Variants in UFL1 observed in about 807,000 individuals in gnomAD.
UFL1 encodes the protein E3 UFM1-protein ligase 1.
UFL1 carries 78 observed loss-of-function variants against 99.3 expected under a neutral mutation model. That is an observed-to-expected ratio of 0.79 (90% CI 0.65 to 0.95). The LOEUF (loss-of-function observed/expected upper bound fraction) is 0.95, where lower values mean the gene tolerates loss of function less well. Ranked by LOEUF, UFL1 falls within the 40% of genes least tolerant of loss-of-function variation. UFL1 has a pLI of 0.00. For missense variants in UFL1, 936 were observed against 937.0 expected (o/e 1.00, Z 0.01); for synonymous variants, 335 against 322.2 (o/e 1.04, Z -0.42).
At chr6:96,540,496 A>T in intron 10 of UFL1, 39 bp from the exon 11 acceptor site, 1 of 1,576,560 alleles carries the variant, frequency 6.3e-7, no homozygotes, top group Non-Finnish European at 8.6e-7. Context: ...TGGAAATGCT[A>T]TGTGTTTTTC....
intron 12 of UFL1, among the ~76,000 whole-genome samples, chr6:96,545,133 A>G (rs1769982193): frequency 6.6e-6 from 1 of 151,068 alleles, no homozygotes; most frequent in Non-Finnish European, 1.5e-5. Context: ...AGATAATAGT[A>G]CTGTCTGTCT....
chr6:96,542,361 A>T (rs1769943201), intron 11 of UFL1, among the ~76,000 whole-genome samples: 1 of 151,284 alleles, frequency 6.6e-6, no homozygotes, highest in African/African-American at 2.4e-5. Flanking sequence ...TGACACAATG[A>T]TCCTTGCTCT....
chr6:96,542,774 G>A, intron 11 of UFL1, 120 bp from the exon 12 acceptor site: 1 of 1,016,690 alleles, frequency 9.8e-7, no homozygotes, highest in South Asian at 3.0e-5. Context: ...GAGTCTAAAA[G>A]TTTCTTTATT....
At chr6:96,540,389 T>G in intron 10 of UFL1, 146 bp from the exon 11 acceptor site, 1 of 1,028,404 alleles carries the variant, frequency 9.7e-7, no homozygotes, top group African/African-American at 1.7e-5. Context: ...GAGAAACATT[T>G]GCCTTAGAGT....
chr6:96,550,771 T>C (rs1214203741), intron 15 of UFL1, among the ~76,000 whole-genome samples: 1 of 151,974 alleles, frequency 6.6e-6, no homozygotes, highest in Non-Finnish European at 1.5e-5. Flanking sequence ...AATATCTTGT[T>C]CCATGCCCTT....
At chr6:96,522,867 G>T in intron 1 of UFL1, 1 of 248,958 alleles carries the variant, frequency 4.0e-6, no homozygotes, top group South Asian at 1.7e-4. Flanking sequence ...CTTCAGATTT[G>T]AAGATTGGAA....
intron 6 of UFL1, 52 bp from the exon 7 acceptor site, chr6:96,534,211 C>A: frequency 8.5e-7 from 1 of 1,181,364 alleles, no homozygotes; most frequent in South Asian, 2.0e-5. Context: ...GTTCATTAAT[C>A]TATAACACTA....
chr6:96,531,004 C>T (rs1346122982), intron 6 of UFL1, among the ~76,000 whole-genome samples: 2 of 152,224 alleles, frequency 1.3e-5, no homozygotes, highest in Admixed American at 1.3e-4. Context: ...TGAGCTGCTC[C>T]TCCTGTCAGA....
chr6:96,542,736 T>C (rs1582443365), intron 11 of UFL1, among the ~76,000 whole-genome samples, 158 bp from the exon 12 acceptor site: 1 of 151,256 alleles, frequency 6.6e-6, no homozygotes, highest in East Asian at 1.9e-4. Context: ...TTTACTAAAC[T>C]TTTAATAGGG....
intron 11 of UFL1, 69 bp downstream of exon 11, chr6:96,540,724 TTTA>T: frequency 6.5e-7 from 1 of 1,532,318 alleles, no homozygotes; most frequent in Non-Finnish European, 8.8e-7. Flanking sequence ...ATTTATCACA[TTTA>T]TTATGCCCTT....
At chr6:96,550,426 A>C (rs1770061825) in intron 15 of UFL1, among the ~76,000 whole-genome samples, 1 of 151,982 alleles carries the variant, frequency 6.6e-6, no homozygotes, top group Non-Finnish European at 1.5e-5. Context: ...AGATTTAGGA[A>C]AAATGAGGCA....
rs1227537844 is a variant in UFL1, at chr6:96,538,634, C to G, written c.982C>G (p.Leu328Val). The G allele has an allele frequency of 6.2e-7, 1 of 1,610,386 alleles. No homozygotes were observed. The highest frequency in any genetic ancestry group is 8.5e-7 in the Non-Finnish European group (1 of 1,177,796). The part of the protein sequence containing the change: ...SSGTWVDIAP[L>V]LPTSLSVEDA... ...TTTATTTTGTTTGTAATTCTAGCCT[C>G]TGCTACCCACTTCTTTATCAGTTGA... Residue 328 changes from leucine (L) to valine (V), a missense_variant, in exon 10 of 19, where the codon CTG becomes GTG. Leu to Val is a conservative substitution (Grantham distance 32, BLOSUM62 1). Coordinates refer to ENST00000369278, the MANE Select transcript of UFL1 (RefSeq NM_015323.5).
intron 11 of UFL1, among the ~76,000 whole-genome samples, chr6:96,540,884 A>G (rs1276538301): frequency 1.3e-5 from 2 of 151,388 alleles, no homozygotes; most frequent in Non-Finnish European, 3.0e-5. Flanking sequence ...TTTTATCATC[A>G]TGCTCATCTC....
intron 6 of UFL1, among the ~76,000 whole-genome samples, chr6:96,531,408 G>GA (rs1769781410): frequency 6.6e-6 from 1 of 152,250 alleles, no homozygotes; most frequent in African/African-American, 2.4e-5. Context: ...CACTGACTAA[G>GA]AAAAATCTAA....
intron 12 of UFL1, among the ~76,000 whole-genome samples, chr6:96,547,765 G>A (rs1014632262): frequency 2.0e-5 from 3 of 151,004 alleles, no homozygotes; most frequent in African/African-American, 4.9e-5. Context: ...TAAACAATGG[G>A]CACACATGGA....
rs542705555 is a variant in UFL1, at chr6:96,552,347, T to C, written c.1986-135T>C. The C allele has an allele frequency of 1.9e-3, 1,788 of 960,600 alleles. 2 individuals carry two copies. Among genetic ancestry groups the C allele is most frequent in the Non-Finnish European group, 2.4e-3 (1,649 of 676,828 alleles). 59.5% of individuals were successfully genotyped at this position (960,600 alleles called of 1,614,324 possible). A position where few individuals can be genotyped will look rare whatever the true frequency, so the allele number is the denominator to read the frequency against. On this transcript the variant is annotated intron_variant, in intron 17 of 18. Transcript: ENST00000369278. Reference sequence around the variant, plus strand: ...AGGTTTTATGTGTGTATATCCCATATTGAAAAGTTACCTTAAATTTTTATG... The same window carrying C: ...AGGTTTTATGTGTGTATATCCCATACTGAAAAGTTACCTTAAATTTTTATG...
intron 12 of UFL1, among the ~76,000 whole-genome samples, chr6:96,546,744 C>A (rs1268835435): frequency 2.6e-5 from 4 of 151,024 alleles, no homozygotes; most frequent in Admixed American, 6.6e-5. Flanking sequence ...TGGACAGGGT[C>A]GACAAAAATA....
chr6:96,549,321 C>A (rs979895804), intron 13 of UFL1, 91 bp from the exon 14 acceptor site: 14 of 1,022,470 alleles, frequency 1.4e-5, no homozygotes, highest in Non-Finnish European at 1.7e-5. Context: ...GATTTCTATT[C>A]TTAAGCCTTA....
intron 12 of UFL1, 93 bp from the exon 13 acceptor site, chr6:96,548,071 G>A (rs1168555052): frequency 2.4e-5 from 18 of 762,888 alleles, no homozygotes; most frequent in East Asian, 1.5e-4. Flanking sequence ...ATGAATTATT[G>A]TCTTACTAAA....
Sources: allele counts gnomAD v4.1 joint callset (sites outside exome capture counted in the v4.1 genomes callset), GRCh38; gene constraint gnomAD v4.1.1; transcripts MANE v1.5; gene names NCBI Gene and HGNC (gene_info 2026-07-23, HGNC 2026-07-21).